Variants in MALRD1 observed in about 807,000 individuals in gnomAD.
MALRD1 encodes the protein MAM and LDL receptor class A domain containing 1.
MALRD1 carries 247 observed loss-of-function variants against 242.1 expected under a neutral mutation model. That is an observed-to-expected ratio of 1.02 (90% CI 0.92 to 1.13). MALRD1 has a LOEUF of 1.13. MALRD1 is among the 50% of genes most tolerant of loss of function. The pLI is 0.00. For missense variants in MALRD1, 2,989 were observed against 2,533.1 expected, an observed-to-expected ratio of 1.18 and a Z score of -3.86; for synonymous variants, 995 against 866.6, an observed-to-expected ratio of 1.15 and a Z score of -2.60.
At chr10:19,312,116 A>G (rs982840893) in intron 21 of MALRD1, among the ~76,000 whole-genome samples, 3 of 151,330 alleles carry the variant, frequency 2.0e-5, no homozygotes, top group East Asian at 1.9e-4. Context: ...AACAAAGTAC[A>G]TATACCACGC....
chr10:19,638,101 CAAAAA>C (rs56865342), intron 36 of MALRD1, among the ~76,000 whole-genome samples: 19 of 41,920 alleles, frequency 4.5e-4, no homozygotes, highest in Middle Eastern at 0.02. Flanking sequence ...AACTCACTCT[CAAAAA>C]AAAAAAAAAA....
intron 21 of MALRD1, chr10:19,290,313 G>GA (rs982680342): frequency 2.0e-5 from 3 of 152,136 alleles, no homozygotes; most frequent in African/African-American, 7.2e-5. Flanking sequence ...ACATGAATTA[G>GA]AAAAACGCAT....
intron 28 of MALRD1, among the ~76,000 whole-genome samples, chr10:19,403,650 A>G (rs1306236966): frequency 1.3e-5 from 2 of 152,124 alleles, no homozygotes; most frequent in Non-Finnish European, 2.9e-5. Flanking sequence ...TTTCATCAGC[A>G]TTCATGAGCC....
intron 18 of MALRD1, among the ~76,000 whole-genome samples, chr10:19,241,818 A>C (rs1257495968): frequency 6.6e-6 from 1 of 151,966 alleles, no homozygotes; most frequent in African/African-American, 2.4e-5. Context: ...AGACCCATTG[A>C]TTTCTTGGGT....
intron 33 of MALRD1, among the ~76,000 whole-genome samples, chr10:19,581,830 C>T (rs962284949): frequency 6.6e-6 from 1 of 151,460 alleles, no homozygotes; most frequent in Non-Finnish European, 1.5e-5. Context: ...GTTGACAGTC[C>T]CACCAACAGT....
intron 38 of MALRD1, among the ~76,000 whole-genome samples, chr10:19,700,253 A>G (rs1350621741): frequency 6.6e-6 from 1 of 152,100 alleles, no homozygotes; most frequent in African/African-American, 2.4e-5. Flanking sequence ...AGCCTTGACA[A>G]AAGAGAGGGG....
At chr10:19,132,685 T>G (rs1403824689) in intron 8 of MALRD1, among the ~76,000 whole-genome samples, 1 of 152,166 alleles carries the variant, frequency 6.6e-6, no homozygotes, top group African/African-American at 2.4e-5. Flanking sequence ...AGAGCCAGGC[T>G]CAGAGCTCAA....
chr10:19,734,073 T>G (rs1835398239), intron 39 of MALRD1, 84 bp from the exon 40 acceptor site: 1 of 1,057,282 alleles, frequency 9.5e-7, no homozygotes, highest in African/African-American at 1.6e-5. Flanking sequence ...TTGGGACCTT[T>G]GCTGCATTCT....
chr10:19,097,613 A>G (rs180846514), intron 4 of MALRD1, among the ~76,000 whole-genome samples: 22 of 152,286 alleles, frequency 1.4e-4, no homozygotes, highest in African/African-American at 5.1e-4. Flanking sequence ...AGGCATTAGT[A>G]CCAGAGTGAC....
intron 5 of MALRD1, among the ~76,000 whole-genome samples, chr10:19,117,005 G>T (rs184500371): frequency 6.6e-6 from 1 of 151,254 alleles, no homozygotes; most frequent in Admixed American, 6.6e-5. Context: ...TGAGGCAGGA[G>T]AATCGCTTGA....
intron 21 of MALRD1, among the ~76,000 whole-genome samples, chr10:19,315,673 TTA>T (rs1371303309): frequency 7.7e-6 from 1 of 130,142 alleles, no homozygotes; most frequent in Non-Finnish European, 1.6e-5. Flanking sequence ...ATGACTATAG[TTA>T]TATATTATAT....
At chr10:19,137,889 T>A (rs560043190) in intron 10 of MALRD1, among the ~76,000 whole-genome samples, 4 of 152,356 alleles carry the variant, frequency 2.6e-5, no homozygotes, top group South Asian at 4.1e-4. Flanking sequence ...AATTTCTGTA[T>A]CACAAACAGG....
intron 33 of MALRD1, among the ~76,000 whole-genome samples, chr10:19,572,372 T>C (rs76533967): frequency 0.015 from 2,315 of 152,314 alleles, 57 homozygotes; most frequent in African/African-American, 0.053. Context: ...GAAGAAACAT[T>C]TGACAGCACT....
chr10:19,675,869 T>C (rs778820735), intron 36 of MALRD1, among the ~76,000 whole-genome samples: 1 of 152,196 alleles, frequency 6.6e-6, no homozygotes, highest in African/African-American at 2.4e-5. Context: ...TACTATGTTA[T>C]TAAGCACTGT....
intron 36 of MALRD1, among the ~76,000 whole-genome samples, chr10:19,681,375 A>G (rs968002227): frequency 4.6e-5 from 7 of 151,506 alleles, no homozygotes; most frequent in Admixed American, 2.0e-4. Flanking sequence ...TTTTTCTCTC[A>G]TCATGTCTGC....
At chr10:19,334,339 T>A (rs980892713) in intron 24 of MALRD1, among the ~76,000 whole-genome samples, 1 of 151,870 alleles carries the variant, frequency 6.6e-6, no homozygotes, top group Admixed American at 6.6e-5. Flanking sequence ...TATATTTGTG[T>A]ATGATAAAAG....
intron 28 of MALRD1, among the ~76,000 whole-genome samples, chr10:19,443,338 A>T (rs150527840): frequency 0.061 from 9,256 of 151,908 alleles, 900 homozygotes; most frequent in African/African-American, 0.21. Flanking sequence ...TGCTCTGATC[A>T]TAGTTATTTC....
Position 19,209,650 on chromosome 10 carries a change from C to T in MALRD1, c.2961C>T (p.His987=), listed in dbSNP as rs1314474899. The T allele has an allele frequency of 6.5e-7, 1 of 1,549,902 alleles. No homozygotes were observed. Residue 987 remains histidine, a synonymous_variant, in exon 18 of 40, where the codon CAC becomes CAT. Transcript: ENST00000454679. ...AAGGCAACAGATGGATTAGGAAACACCTCAACATTTCCAGCAGGCAGCCCT... is the reference window on the plus strand; with the variant it reads ...AAGGCAACAGATGGATTAGGAAACATCTCAACATTTCCAGCAGGCAGCCCT... ...GNQGNRWIRK[H]LNISSRQPFQ...
chr10:19,224,540 C>G (rs966709464), intron 18 of MALRD1, among the ~76,000 whole-genome samples: 1 of 152,204 alleles, frequency 6.6e-6, no homozygotes, highest in African/African-American at 2.4e-5. Context: ...ATCCACTCGC[C>G]TTGGCCTCCC....
Sources: gnomAD v4.1 joint callset for allele counts (sites outside exome capture counted in the v4.1 genomes callset) on GRCh38, gnomAD v4.1.1 for gene constraint, MANE v1.5 for transcripts, NCBI Gene and HGNC (gene_info 2026-07-23, HGNC 2026-07-21) for gene names.